The following C14orf39 variants were observed in gnomAD, a reference collection of about 807,000 sequenced individuals.
The protein encoded by C14orf39 is protein SIX6OS1.
C14orf39 carries 66 observed loss-of-function variants against 85.6 expected under a neutral mutation model. The ratio of observed to expected loss-of-function variants is 0.77; its 90% confidence interval spans 0.63 to 0.95. The LOEUF (loss-of-function observed/expected upper bound fraction) is 0.95. Ranked by LOEUF, C14orf39 falls within the 40% of genes least tolerant of loss-of-function variation. The pLI is 0.00. For synonymous variants in C14orf39, 242 were observed against 214.0 expected (o/e 1.13, Z -1.14); for missense variants, 735 against 663.9 (o/e 1.11, Z -1.18).
chr14:60,494,078 GC>G, intron 2 of C14orf39: 1 of 288,760 alleles, frequency 3.5e-6, no homozygotes, highest in Non-Finnish European at 7.1e-6. Flanking sequence ...TCATGGCAAG[GC>G]CACCATTGAG....
At chr14:60,468,609 ATGT>A (rs1891913355) in intron 8 of C14orf39, 73 bp from the exon 9 acceptor site, 3 of 790,506 alleles carry the variant, frequency 3.8e-6, no homozygotes, top group Non-Finnish European at 5.8e-6. Flanking sequence ...GCTTTATCTT[ATGT>A]TTTTTCTATA....
At chr14:60,454,966 T>A in intron 16 of C14orf39, 35 bp downstream of exon 16, 1 of 1,447,508 alleles carries the variant, frequency 6.9e-7, no homozygotes, top group Non-Finnish European at 9.1e-7. Flanking sequence ...CACAGCAGAA[T>A]TTTTAGAAAT....
intron 1 of C14orf39, among the ~76,000 whole-genome samples, chr14:60,501,306 CAAA>C (rs66800067): frequency 1.9e-5 from 2 of 105,610 alleles, no homozygotes; most frequent in Non-Finnish European, 1.8e-5. Context: ...ACCCTGTCTC[CAAA>C]AAAAAAAAAA....
chr14:60,478,453 A>T (rs1876929275), intron 4 of C14orf39, 64 bp from the exon 5 acceptor site: 1 of 756,114 alleles, frequency 1.3e-6, no homozygotes, highest in South Asian at 2.4e-5. Flanking sequence ...TAGAGATAAT[A>T]AAAAAAAGAA....
intron 4 of C14orf39, among the ~76,000 whole-genome samples, chr14:60,483,334 T>C (rs1162571709): frequency 6.6e-6 from 1 of 152,164 alleles, no homozygotes; most frequent in East Asian, 1.9e-4. Flanking sequence ...CTTAACGTAT[T>C]AAATATTTTT....
rs1330656143 is a variant in C14orf39, at chr14:60,461,419, T to C, written c.1059-7A>G. On this transcript the variant is annotated splice_polypyrimidine_tract_variant and splice_region_variant and intron_variant, in intron 12 of 17. Coordinates refer to ENST00000321731, the MANE Select transcript of C14orf39 (RefSeq NM_174978.3). The stretch of plus-strand genomic sequence containing the variant: ...TTTCTGTGGGGTTAACAATCTAAAA[T>C]GGAATAAATATAATTTTTGTATTTT... 1.2e-6 allele frequency: 2 copies of C among 1,603,648 alleles called. No homozygotes were observed. The highest frequency in any genetic ancestry group is 2.2e-5 in the East Asian group (1 of 44,616).
intron 2 of C14orf39, chr14:60,495,151 C>T (rs1280462042): frequency 2.4e-5 from 5 of 206,472 alleles, no homozygotes; most frequent in South Asian, 8.3e-5. Flanking sequence ...CAGTCTCTCC[C>T]GAGTGTGGGC....
intron 4 of C14orf39, among the ~76,000 whole-genome samples, chr14:60,479,165 T>C (rs970900779): frequency 6.6e-6 from 1 of 152,156 alleles, no homozygotes; most frequent in African/African-American, 2.4e-5. Flanking sequence ...TTTTAATAAA[T>C]TGTTTCCAGA....
chr14:60,456,834 C>T, intron 15 of C14orf39, 83 bp downstream of exon 15: 1 of 1,229,142 alleles, frequency 8.1e-7, no homozygotes, highest in Non-Finnish European at 1.1e-6. Flanking sequence ...GTTAAAGGTA[C>T]TAAGCATTTT....
chr14:60,447,830 T>C (rs1024322852), intron 16 of C14orf39, among the ~76,000 whole-genome samples: 30 of 152,198 alleles, frequency 2.0e-4, no homozygotes, highest in African/African-American at 6.0e-4. Flanking sequence ...AGCTTGGTAC[T>C]GGTACCAAAA....
At chr14:60,437,723 A>T (rs1890323524) in intron 17 of C14orf39, among the ~76,000 whole-genome samples, 1 of 152,060 alleles carries the variant, frequency 6.6e-6, no homozygotes, top group African/African-American at 2.4e-5. Flanking sequence ...GGAGGAAAAA[A>T]TGCTGAATCT....
At chr14:60,461,631 A>T (rs1891540611) in intron 11 of C14orf39, 38 bp from the exon 12 acceptor site, 1 of 1,366,560 alleles carries the variant, frequency 7.3e-7, no homozygotes, top group Non-Finnish European at 9.9e-7. Flanking sequence ...TTGGCTACAC[A>T]AAGCAATAAA....
chr14:60,467,315 C>CT (rs1383091590), intron 9 of C14orf39, among the ~76,000 whole-genome samples: 1 of 151,690 alleles, frequency 6.6e-6, no homozygotes, highest in Non-Finnish European at 1.5e-5. Context: ...AAAAGACTTC[C>CT]TACACATGTC....
chr14:60,495,084 G>A lies in C14orf39; in HGVS notation c.-9+4212C>T, dbSNP rs530924631. On this transcript the variant is annotated intron_variant, in intron 2 of 5. Coordinates refer to the C14orf39 transcript ENST00000556799. Reference sequence around the variant, plus strand: ...ATGTGTTGGACTGGTGAACCCCAAGGTGTGTCTTCAAGTTGCCTTTGGTAG... The same window carrying A: ...ATGTGTTGGACTGGTGAACCCCAAGATGTGTCTTCAAGTTGCCTTTGGTAG... 3 of 238,820 alleles carry A rather than the reference G, an allele frequency of 1.3e-5. No individual in the cohort carries two copies. The South Asian group carries it at 1.9e-4, about 15-fold the overall frequency. The allele number at this position is 238,820 out of a possible 1,614,324, so 14.8% of individuals were successfully genotyped here. A position where few individuals can be genotyped will look rare whatever the true frequency, so the allele number is the denominator to read the frequency against.
intron 16 of C14orf39, among the ~76,000 whole-genome samples, chr14:60,452,023 T>C (rs1348616454): frequency 6.9e-6 from 1 of 144,438 alleles, no homozygotes; most frequent in Non-Finnish European, 1.5e-5. Context: ...TCTACTAAAG[T>C]ACAAAAAAAA....
chr14:60,478,178 C>CAAAAA lies in C14orf39; in HGVS notation c.323+117_323+121dup, dbSNP rs71435508. ...TGGGGGACAGAGCGAGACTCCATCT[C>CAAAAA]AAAAAAAAAAAAAGAAACTCCTTGA... is the stretch of plus-strand genomic sequence containing the variant. On this transcript the variant is annotated intron_variant, in intron 5 of 17. Coordinates refer to ENST00000321731, the MANE Select transcript of C14orf39 (RefSeq NM_174978.3). 1.6e-3 allele frequency: 141 copies of CAAAAA among 90,066 alleles called. 5 individuals carry two copies. Among genetic ancestry groups the CAAAAA allele is most frequent in the African/African-American group, 3.0e-3 (69 of 23,076 alleles). 5.6% of individuals were successfully genotyped at this position (90,066 alleles called of 1,614,324 possible).
intron 16 of C14orf39, among the ~76,000 whole-genome samples, chr14:60,443,443 C>T (rs1890617586): frequency 3.3e-5 from 5 of 152,132 alleles, no homozygotes. Context: ...CTGAGATTGA[C>T]CTGTGAGGCT....
chr14:60,456,544 C>T (rs1487789089), intron 15 of C14orf39, among the ~76,000 whole-genome samples: 1 of 151,746 alleles, frequency 6.6e-6, no homozygotes, highest in Admixed American at 6.6e-5. Context: ...GCACATGCCA[C>T]TATGCTAGGC....
At chr14:60,448,848 T>C (rs1052166485) in intron 16 of C14orf39, among the ~76,000 whole-genome samples, 26 of 152,198 alleles carry the variant, frequency 1.7e-4, no homozygotes, top group African/African-American at 5.8e-4. Context: ...CATGGAATAC[T>C]ATGCAGCCAT....
Sources: gnomAD v4.1 joint callset for allele counts (sites outside exome capture counted in the v4.1 genomes callset) on GRCh38, gnomAD v4.1.1 for gene constraint, MANE v1.5 for transcripts, NCBI Gene and HGNC (gene_info 2026-07-23, HGNC 2026-07-21) for gene names.